CDC42BPB: variants seen among roughly 807,000 people sequenced by gnomAD.
The protein encoded by CDC42BPB is serine/threonine-protein kinase MRCK beta.
Under a neutral mutation model 214.9 loss-of-function variants are expected in CDC42BPB, and 37 were observed. That is an observed-to-expected ratio of 0.17 (90% CI 0.13 to 0.23). CDC42BPB has a LOEUF of 0.23. CDC42BPB is among the 10% of genes least tolerant of loss of function. CDC42BPB has a pLI of 1.00. For synonymous variants in CDC42BPB, 931 were observed against 884.0 expected (o/e 1.05, Z -0.94); for missense variants, 1,694 against 2,227.0 (o/e 0.76, Z 4.82).
chr14:103,009,886 A>C (rs1273491828), intron 2 of CDC42BPB, among the ~76,000 whole-genome samples: 1 of 152,210 alleles, frequency 6.6e-6, no homozygotes, highest in Non-Finnish European at 1.5e-5. Context: ...TCATGCCTAT[A>C]ATCCCAGCAC....
rs961530330 is a variant in CDC42BPB at position 102,999,785 on chromosome 14, T to C, written c.448-72A>G. 18 of 1,578,490 alleles carry C rather than the reference T, an allele frequency of 1.1e-5. No individual in the cohort carries two copies. In the African/African-American group the frequency reaches 2.3e-4, roughly 20 times the overall value. ...ACTAAACCTGACAGTTACAGGCCAG[T>C]CTTCCATGGCGAGGTTCTCAGGCTC... On this transcript the variant is annotated intron_variant, in intron 4 of 36. Transcript: ENST00000361246.
At chr14:103,021,765 G>A (rs372145624) in intron 1 of CDC42BPB, among the ~76,000 whole-genome samples, 5 of 152,188 alleles carry the variant, frequency 3.3e-5, no homozygotes, top group African/African-American at 9.7e-5. Context: ...CCTGAGGAGC[G>A]GGGTGGGCCA....
At chr14:102,995,157 A>G (rs1894669148) in intron 5 of CDC42BPB, among the ~76,000 whole-genome samples, 1 of 150,754 alleles carries the variant, frequency 6.6e-6, no homozygotes, top group Middle Eastern at 3.2e-3. Flanking sequence ...CTCTTTAGGG[A>G]TGTGATGTTC....
At chr14:102,993,724 A>G (rs1894601515) in intron 5 of CDC42BPB, among the ~76,000 whole-genome samples, 1 of 152,210 alleles carries the variant, frequency 6.6e-6, no homozygotes, top group Non-Finnish European at 1.5e-5. Flanking sequence ...ATGTAAATAA[A>G]AGATGACCAG....
chr14:103,009,330 G>A (rs926099441), intron 2 of CDC42BPB, among the ~76,000 whole-genome samples: 1 of 152,210 alleles, frequency 6.6e-6, no homozygotes, highest in African/African-American at 2.4e-5. Flanking sequence ...CACATTCTGC[G>A]TGCCAGAGAC....
chr14:103,035,155 T>A (rs1253964172), intron 1 of CDC42BPB, among the ~76,000 whole-genome samples: 2 of 152,010 alleles, frequency 1.3e-5, no homozygotes, highest in Admixed American at 6.5e-5. Context: ...CCACCCAGGT[T>A]CCAGCAATTC....
chr14:103,054,886 G>A (rs971013186), intron 1 of CDC42BPB, among the ~76,000 whole-genome samples: 9 of 152,198 alleles, frequency 5.9e-5, no homozygotes, highest in Admixed American at 1.3e-4. Flanking sequence ...ATGCTGACAA[G>A]AGCTTCCTCC....
In CDC42BPB at chr14:103,009,713, G is replaced by C. The variant is rs7160648; in HGVS notation, c.268-1158C>G. On this transcript the variant is annotated intron_variant, in intron 2 of 36. Coordinates refer to ENST00000361246, the MANE Select transcript of CDC42BPB (RefSeq NM_006035.4). ...CTCCCTCCCTCCTAAATGCATTCTG[G>C]AAAGTCCTGCCATGGCTGAAGGGCT... Among the ~76,000 whole-genome samples the C allele has an allele frequency of 5.5e-3, 845 of 152,270 alleles. 13 individuals carry two copies. The highest frequency in any genetic ancestry group is 0.019 in the African/African-American group (810 of 41,548).
chr14:102,968,962 C>G (rs576814575), intron 14 of CDC42BPB: 1 of 869,878 alleles, frequency 1.1e-6, no homozygotes, highest in Non-Finnish European at 1.4e-6. Flanking sequence ...TGCCCCACAC[C>G]CTGTTCATTC....
In CDC42BPB at chr14:102,943,756, G is replaced by A. The variant is rs1033467405; in HGVS notation, c.4408+135C>T. The A allele has an allele frequency of 9.3e-6, 7 of 753,298 alleles. No individual in the cohort carries two copies. The African/African-American group carries it at 1.1e-4, about 11-fold the overall frequency. The allele number at this position is 753,298 out of a possible 1,614,324, so 46.7% of individuals were successfully genotyped here. ...CATGCTCTCTGCTGCGGGCTGGCAT[G>A]GGGCCCACCTCTCCCGATGCTCTGT... On this transcript the variant is annotated intron_variant, in intron 30 of 36. Transcript: ENST00000361246. This position sits in a 1 kb window ranked among gnomAD's most constrained non-coding sequence, Gnocchi z 4.6.
rs35996281 is a variant in CDC42BPB at position 102,967,215 on chromosome 14, C to T, written c.2347-45G>A. 3,674 of 1,583,132 alleles carry T rather than the reference C, an allele frequency of 2.3e-3. 80 individuals are homozygous for T. In the African/African-American group the frequency reaches 0.043, roughly 19 times the overall value. On this transcript the variant is annotated intron_variant, in intron 16 of 36. Coordinates refer to ENST00000361246, the MANE Select transcript of CDC42BPB (RefSeq NM_006035.4). ...CCACAGAACTTGTTAATCGGGCATCCTTTAAGTATGCTGGATTTAACACTG... is the reference window on the plus strand; with the variant it reads ...CCACAGAACTTGTTAATCGGGCATCTTTTAAGTATGCTGGATTTAACACTG...
chr14:102,974,097 C>T lies in CDC42BPB; in HGVS notation c.1560G>A (p.Glu520=). 1 of 1,614,104 alleles carries T rather than the reference C, an allele frequency of 6.2e-7. No individual in the cohort carries two copies. Among genetic ancestry groups the T allele is most frequent in the Non-Finnish European group, 8.5e-7 (1 of 1,179,996 alleles). Reference sequence around the variant, plus strand: ...GCAGCCGCTGCGTGGAGTCCTCACGCTCTTGGCGAAGCGCCACTGTGTCCT... The same window carrying T: ...GCAGCCGCTGCGTGGAGTCCTCACGTTCTTGGCGAAGCGCCACTGTGTCCT... ...QLEDTVALRQ[E]REDSTQRLRG... is the part of the protein sequence containing the mutation. The change falls in exon 12 of 37, where the codon GAG becomes GAA. Residue 520 remains glutamate, a synonymous_variant. Transcript: ENST00000361246.
chr14:102,964,369 C>T, intron 19 of CDC42BPB, 133 bp downstream of exon 19: 2 of 1,038,808 alleles, frequency 1.9e-6, no homozygotes, highest in South Asian at 1.6e-5. Flanking sequence ...CGACGTGCTG[C>T]CTCCTAAGGC....
intron 2 of CDC42BPB, among the ~76,000 whole-genome samples, chr14:103,011,890 G>A (rs1480024886): frequency 6.6e-6 from 1 of 151,910 alleles, no homozygotes; most frequent in Non-Finnish European, 1.5e-5. Context: ...CCGAGGCGGG[G>A]AGATCACTTG....
chr14:102,983,690 C>T lies in CDC42BPB; in HGVS notation c.757G>A (p.Asp253Asn). ...TCAGGCCCGTATTTGCCCATGCCGTCCTCCATCGCCTGCAGGATCTCCGGC... is the reference window on the plus strand; with the variant it reads ...TCAGGCCCGTATTTGCCCATGCCGTTCTCCATCGCCTGCAGGATCTCCGGC... ...ISPEILQAME[D>N]GMGKYGPECD... The change falls in exon 7 of 37, where the codon GAC becomes AAC. Residue 253 changes from aspartate to asparagine, a missense_variant. Asp to Asn is a conservative substitution (Grantham distance 23, BLOSUM62 1). Transcript: ENST00000361246. The T allele has an allele frequency of 6.2e-7, 1 of 1,614,008 alleles. No individual in the cohort carries two copies. Among genetic ancestry groups the T allele is most frequent in the South Asian group, 1.1e-5 (1 of 91,082 alleles).
intron 2 of CDC42BPB, among the ~76,000 whole-genome samples, chr14:103,009,331 T>C (rs1886024326): frequency 6.6e-6 from 1 of 152,342 alleles, no homozygotes; most frequent in East Asian, 1.9e-4. Flanking sequence ...ACATTCTGCG[T>C]GCCAGAGACG....
intron 5 of CDC42BPB, among the ~76,000 whole-genome samples, chr14:102,998,567 G>A (rs886792945): frequency 6.6e-6 from 1 of 152,250 alleles, no homozygotes; most frequent in South Asian, 2.1e-4. Flanking sequence ...CAAGAGGGAT[G>A]TGAAGATGTG....
chr14:103,035,917 C>G (rs976774257), intron 1 of CDC42BPB, among the ~76,000 whole-genome samples: 2 of 151,960 alleles, frequency 1.3e-5, no homozygotes, highest in East Asian at 3.9e-4. Context: ...TTTGGAAGGC[C>G]AAGGCAGGAG....
chr14:103,042,078 T>A (rs1888032966), intron 1 of CDC42BPB: 1 of 176,954 alleles, frequency 5.7e-6, no homozygotes, highest in African/African-American at 2.4e-5. Context: ...GAACAGGATG[T>A]TGAAGACAAA....
Sources: allele counts gnomAD v4.1 joint callset (sites outside exome capture counted in the v4.1 genomes callset), GRCh38; gene constraint gnomAD v4.1.1; non-coding constraint Gnocchi (gnomAD v3.1); transcripts MANE v1.5; gene names NCBI Gene and HGNC (gene_info 2026-07-23, HGNC 2026-07-21).